NRG1: variants seen among roughly 807,000 people sequenced by gnomAD.
The protein encoded by NRG1 is pro-neuregulin-1, membrane-bound isoform.
Under a neutral mutation model 63.8 loss-of-function variants are expected in NRG1, and 18 were observed. The ratio of observed to expected loss-of-function variants is 0.28; its 90% CI spans 0.19 to 0.42. NRG1 has a LOEUF of 0.42. NRG1 is among the 10% of genes least tolerant of loss of function. The pLI is 1.00. For missense variants in NRG1, 762 were observed against 814.7 expected (o/e 0.94, Z 0.79); for synonymous variants, 302 against 301.3 (o/e 1.00, Z -0.02).
At chr8:32,344,126 T>A (rs1037023331) in intron 1 of NRG1, among the ~76,000 whole-genome samples, 1 of 152,212 alleles carries the variant, frequency 6.6e-6, no homozygotes, top group Non-Finnish European at 1.5e-5. Flanking sequence ...AACTTAAATA[T>A]ATGTCAGAGC....
intron 5 of NRG1, among the ~76,000 whole-genome samples, chr8:32,643,825 T>C (rs1852911784): frequency 6.6e-6 from 1 of 152,220 alleles, no homozygotes. Flanking sequence ...TTTTGGAAAC[T>C]AGATCCTTTT....
chr8:32,512,439 C>T (rs1205744398), intron 1 of NRG1, among the ~76,000 whole-genome samples: 1 of 152,120 alleles, frequency 6.6e-6, no homozygotes, highest in Non-Finnish European at 1.5e-5. Context: ...AACAGCTGTT[C>T]ACTGTTATTA....
chr8:31,889,725 G>A (rs531095367), intron 1 of NRG1, among the ~76,000 whole-genome samples: 5 of 152,302 alleles, frequency 3.3e-5, no homozygotes, highest in African/African-American at 1.2e-4. Context: ...CTCTGCAAAG[G>A]GAACCAACAA....
chr8:31,780,712 C>A (rs1819600944), intron 1 of NRG1, among the ~76,000 whole-genome samples: 1 of 152,104 alleles, frequency 6.6e-6, no homozygotes, highest in Non-Finnish European at 1.5e-5. Flanking sequence ...GATCTGTGAA[C>A]AAATATTGGA....
intron 1 of NRG1, among the ~76,000 whole-genome samples, chr8:32,574,556 A>G (rs998588280): frequency 2.2e-4 from 33 of 152,108 alleles, no homozygotes; most frequent in Admixed American, 1.1e-3. Flanking sequence ...TGCTGTCCTC[A>G]TGATAATGAC....
intron 1 of NRG1, among the ~76,000 whole-genome samples, chr8:32,576,972 T>C (rs895793722): frequency 3.9e-5 from 6 of 152,130 alleles, no homozygotes; most frequent in Non-Finnish European, 7.4e-5. Flanking sequence ...TGTTCCCTCC[T>C]TCCCTCCCTG....
At chr8:31,675,940 T>C (rs1249278122) in intron 1 of NRG1, among the ~76,000 whole-genome samples, 7 of 152,314 alleles carry the variant, frequency 4.6e-5, no homozygotes, top group Non-Finnish European at 1.5e-5. Flanking sequence ...AAAGCAATAG[T>C]TGAATTTCTG....
chr8:32,346,321 TC>T (rs1357564236), intron 1 of NRG1, among the ~76,000 whole-genome samples: 5 of 150,498 alleles, frequency 3.3e-5, no homozygotes, highest in African/African-American at 9.7e-5. Flanking sequence ...TGTGTAAAAT[TC>T]ACATGAAAAA....
intron 1 of NRG1, among the ~76,000 whole-genome samples, chr8:32,516,218 G>T (rs908736132): frequency 6.6e-6 from 1 of 152,098 alleles, no homozygotes; most frequent in Non-Finnish European, 1.5e-5. Flanking sequence ...ATGGCTGTAG[G>T]TGTGCAGCTT....
At chr8:32,362,235 C>G (rs192948279) in intron 1 of NRG1, among the ~76,000 whole-genome samples, 2 of 152,094 alleles carry the variant, frequency 1.3e-5, no homozygotes, top group African/African-American at 4.8e-5. Context: ...TATCTGACTC[C>G]CTGATGGTTT....
At chr8:31,926,761 A>T (rs969850969) in intron 1 of NRG1, among the ~76,000 whole-genome samples, 10 of 152,138 alleles carry the variant, frequency 6.6e-5, no homozygotes, top group Non-Finnish European at 2.9e-5. Context: ...AAGTTAGAAA[A>T]GCTTAGACTC....
At chr8:32,548,393 G>C (rs1275646705) in exon 1 of NRG1, 1 of 1,061,892 alleles carries the variant, frequency 9.4e-7, no homozygotes, top group African/African-American at 1.7e-5. Flanking sequence ...TGAGCAGGAC[G>C]GTGATAACCT....
intron 1 of NRG1, among the ~76,000 whole-genome samples, chr8:31,980,258 A>T (rs1470811808): frequency 6.6e-6 from 1 of 151,980 alleles, no homozygotes; most frequent in Non-Finnish European, 1.5e-5. Flanking sequence ...TGTCACTCTC[A>T]GTTCAGAATC....
intron 1 of NRG1, among the ~76,000 whole-genome samples, chr8:31,934,213 T>A (rs531049853): frequency 6.6e-6 from 1 of 152,194 alleles, no homozygotes; most frequent in Admixed American, 6.5e-5. Flanking sequence ...AGTTGCAAAG[T>A]TGAAGTCTGT....
intron 4 of NRG1, among the ~76,000 whole-genome samples, chr8:32,615,660 C>G (rs1021231512): frequency 6.6e-6 from 1 of 151,882 alleles, no homozygotes; most frequent in African/African-American, 2.4e-5. Context: ...TCCATCTTAC[C>G]TCCATCATTT....
chr8:32,009,970 C>T lies in NRG1; in HGVS notation c.37+370539C>T, dbSNP rs368873999. Among the ~76,000 whole-genome samples, 64 of 148,516 alleles carry T rather than the reference C, an allele frequency of 4.3e-4. No homozygotes were observed. In the South Asian group the frequency reaches 0.012, roughly 28 times the overall value. On this transcript the variant is annotated intron_variant, in intron 1 of 10. Coordinates refer to the NRG1 transcript ENST00000519301. ...GTCAGCTGTGTATTATGGCAAGGATCGACATTTTCTTGACATTCATTGTAG... is the reference window on the plus strand; with the variant it reads ...GTCAGCTGTGTATTATGGCAAGGATTGACATTTTCTTGACATTCATTGTAG...
intron 1 of NRG1, among the ~76,000 whole-genome samples, chr8:31,668,548 A>G (rs1300569506): frequency 6.6e-6 from 1 of 152,226 alleles, no homozygotes; most frequent in Non-Finnish European, 1.5e-5. Context: ...TGGATCACAA[A>G]GTACTGTGTC....
intron 1 of NRG1, among the ~76,000 whole-genome samples, chr8:31,982,819 A>AGGC (rs1809378113): frequency 6.6e-6 from 1 of 152,080 alleles, no homozygotes; most frequent in South Asian, 2.1e-4. Flanking sequence ...TAGTTCCCAG[A>AGGC]GGCTATTGGG....
At chr8:32,163,767 G>A (rs1839108900) in intron 1 of NRG1, among the ~76,000 whole-genome samples, 1 of 152,222 alleles carries the variant, frequency 6.6e-6, no homozygotes, top group South Asian at 2.1e-4. Context: ...GGTACGTTAG[G>A]AATATCATTC....
Sources: allele counts gnomAD v4.1 joint callset (sites outside exome capture counted in the v4.1 genomes callset), GRCh38; gene constraint gnomAD v4.1.1; transcripts MANE v1.5; gene names NCBI Gene and HGNC (gene_info 2026-07-23, HGNC 2026-07-21).